NCKAP5: variants seen among roughly 807,000 people sequenced by gnomAD.
NCKAP5 encodes NCK associated protein 5.
NCKAP5 carries 92 observed loss-of-function variants against 167.0 expected under a neutral mutation model. The ratio of observed to expected loss-of-function variants is 0.55; its 90% CI spans 0.47 to 0.66. The LOEUF is 0.66. Ranked by LOEUF, NCKAP5 falls within the 30% of genes least tolerant of loss-of-function variation. The pLI is 0.00. For synonymous variants in NCKAP5, 891 were observed against 877.4 expected, an observed-to-expected ratio of 1.02 and a Z score of -0.27; for missense variants, 2,378 against 2,315.0, an observed-to-expected ratio of 1.03 and a Z score of -0.56.
At chr2:133,542,718 G>T (rs1436725385) in intron 2 of NCKAP5, among the ~76,000 whole-genome samples, 1 of 152,062 alleles carries the variant, frequency 6.6e-6, no homozygotes, top group East Asian at 1.9e-4. Context: ...TATGTATTAC[G>T]TTCTTGTCAT....
chr2:132,920,771 GTATATA>G (rs55895538), intron 8 of NCKAP5, among the ~76,000 whole-genome samples: 1,604 of 31,128 alleles, frequency 0.052, 75 homozygotes, highest in Middle Eastern at 0.14. Context: ...ATATATGTAT[GTATATA>G]TATATATATA....
At chr2:133,094,469 G>A (rs143485971) in intron 6 of NCKAP5, among the ~76,000 whole-genome samples, 37 of 152,198 alleles carry the variant, frequency 2.4e-4, no homozygotes, top group African/African-American at 8.9e-4. Flanking sequence ...TACTCTCCCC[G>A]GAAACAACTC....
At chr2:133,345,769 T>C (rs1170241128) in intron 3 of NCKAP5, among the ~76,000 whole-genome samples, 3 of 152,048 alleles carry the variant, frequency 2.0e-5, no homozygotes, top group African/African-American at 4.8e-5. Flanking sequence ...AGATGTAATA[T>C]GGGAGTGGAG....
chr2:133,284,729 A>G (rs771448938), intron 4 of NCKAP5: 3 of 152,212 alleles, frequency 2.0e-5, no homozygotes, highest in Non-Finnish European at 4.4e-5. Context: ...CTAACTTTAC[A>G]TGAAGACTCA....
the NCKAP5 span, among the ~76,000 whole-genome samples, chr2:133,647,372 AAAGAAAGG>A: frequency 1.3e-4 from 10 of 78,238 alleles, 1 homozygote; most frequent in Admixed American, 6.4e-4. Flanking sequence ...AGGAAGGAAG[AAAGAAAGG>A]AAGGAAGGAA....
intron 3 of NCKAP5, among the ~76,000 whole-genome samples, chr2:133,304,111 T>G (rs1188752727): frequency 6.6e-6 from 1 of 152,190 alleles, no homozygotes; most frequent in Admixed American, 6.5e-5. Context: ...GGAACTTTGA[T>G]TAACAGTGAC....
chr2:133,194,581 T>C (rs1465042030), intron 5 of NCKAP5, among the ~76,000 whole-genome samples: 1 of 152,042 alleles, frequency 6.6e-6, no homozygotes, highest in Non-Finnish European at 1.5e-5. Flanking sequence ...ACTTCTCTCC[T>C]GAATTTCCAT....
intron 3 of NCKAP5, among the ~76,000 whole-genome samples, chr2:133,458,563 C>A (rs1446576980): frequency 6.6e-6 from 1 of 152,110 alleles, no homozygotes; most frequent in Non-Finnish European, 1.5e-5. Flanking sequence ...CCTTGCAAGT[C>A]CACAATGTGA....
At chr2:132,724,091 C>G (rs537692888) in intron 19 of NCKAP5, among the ~76,000 whole-genome samples, 1 of 152,306 alleles carries the variant, frequency 6.6e-6, no homozygotes, top group East Asian at 1.9e-4. Flanking sequence ...GCCATTCCCT[C>G]TACTGGGAGT....
chr2:133,101,383 C>A (rs1374938486), intron 6 of NCKAP5, among the ~76,000 whole-genome samples: 20 of 138,834 alleles, frequency 1.4e-4, no homozygotes, highest in African/African-American at 5.6e-4. Context: ...CTTGGCGATG[C>A]GGGCTCTTTT....
intron 19 of NCKAP5, among the ~76,000 whole-genome samples, chr2:132,692,450 C>G (rs1468180001): frequency 2.6e-5 from 4 of 152,064 alleles, no homozygotes; most frequent in African/African-American, 4.8e-5. Context: ...TAAATCATTA[C>G]TTGGAATTAC....
rs546576256 is a variant in NCKAP5, at chr2:132,701,744, A to C, written c.5713+23883T>G. ...GAGCTGATACAGGAAAAGAAACACA[A>C]ATAGTGTTTCTGTTCCTACAAAAAA... On this transcript the variant is annotated intron_variant, in intron 19 of 19. Transcript: ENST00000409261. Among the ~76,000 whole-genome samples, 5 of 152,276 alleles carry C rather than the reference A, an allele frequency of 3.3e-5. No homozygotes were observed. In the South Asian group the frequency reaches 8.3e-4, roughly 25 times the overall value.
At chr2:133,568,795 C>G (rs569020397), upstream of NCKAP5, among the ~76,000 whole-genome samples, 1 of 152,088 alleles carries the variant, frequency 6.6e-6, no homozygotes. Context: ...CCACCTGTTT[C>G]GAGTCAACTT....
intron 4 of NCKAP5, among the ~76,000 whole-genome samples, chr2:133,220,590 G>A (rs1371277894): frequency 6.6e-6 from 1 of 152,082 alleles, no homozygotes; most frequent in Admixed American, 6.5e-5. Flanking sequence ...TGACACCTCT[G>A]CAAGTTAAGC....
At chr2:133,297,333 T>C (rs1213686401) in intron 4 of NCKAP5, among the ~76,000 whole-genome samples, 1 of 152,154 alleles carries the variant, frequency 6.6e-6, no homozygotes, top group Non-Finnish European at 1.5e-5. Flanking sequence ...TTTTCCTCTT[T>C]AGGAAGGATT....
chr2:133,175,754 C>T (rs1234994027), intron 5 of NCKAP5, among the ~76,000 whole-genome samples: 1 of 152,152 alleles, frequency 6.6e-6, no homozygotes, highest in Non-Finnish European at 1.5e-5. Context: ...AGATGGGAAA[C>T]TAGAATTCAA....
At position 132,963,091 on chromosome 2, in the gene NCKAP5, G is replaced by A. The variant is rs183140524; in HGVS notation, c.579+629C>T. ...AGAACTAGTAACTAGAATGGTCTTTGATGACTGCTATAAAAATTCATGAAT... is the reference window on the plus strand; with the variant it reads ...AGAACTAGTAACTAGAATGGTCTTTAATGACTGCTATAAAAATTCATGAAT... On this transcript the variant is annotated intron_variant, in intron 8 of 19. Transcript: ENST00000409261. 5.0e-3 allele frequency among the ~76,000 whole-genome samples: 757 copies of A among 152,040 alleles called. 21 individuals are homozygous for A. The highest frequency in any genetic ancestry group is 0.045 in the Admixed American group (682 of 15,272).
intron 4 of NCKAP5, among the ~76,000 whole-genome samples, chr2:133,270,827 T>C (rs187664021): frequency 6.6e-6 from 1 of 152,022 alleles, no homozygotes; most frequent in South Asian, 2.1e-4. Context: ...ATGGGAAAAC[T>C]CTAATTCTGT....
At chr2:132,685,312 A>C (rs534286417) in intron 19 of NCKAP5, among the ~76,000 whole-genome samples, 4 of 152,174 alleles carry the variant, frequency 2.6e-5, no homozygotes, top group African/African-American at 9.6e-5. Context: ...TGTTTGCTAA[A>C]CCATTAATAT....
Sources: allele counts gnomAD v4.1 joint callset (sites outside exome capture counted in the v4.1 genomes callset), GRCh38; gene constraint gnomAD v4.1.1; transcripts MANE v1.5; gene names NCBI Gene and HGNC (gene_info 2026-07-23, HGNC 2026-07-21).